Variants in LIMCH1 observed in about 807,000 individuals in gnomAD.
LIMCH1 encodes LIM and calponin homology domains 1.
Under a neutral mutation model 176.5 loss-of-function variants are expected in LIMCH1, and 113 were observed. The observed-to-expected ratio is 0.64, with a 90% confidence interval of 0.55 to 0.75. The LOEUF (loss-of-function observed/expected upper bound fraction) is 0.75, where lower values mean the gene tolerates loss of function less well. Ranked by LOEUF, LIMCH1 falls within the 30% of genes least tolerant of loss-of-function variation. The probability of loss-of-function intolerance (pLI) is 0.00; values close to 1 mark genes in which losing one functional copy is unlikely to be tolerated. For missense variants in LIMCH1, 1,674 were observed against 1,814.9 expected (o/e 0.92, Z 1.41); for synonymous variants, 619 against 645.9 (o/e 0.96, Z 0.63).
At chr4:41,490,845 C>T (rs981608537) in intron 1 of LIMCH1, among the ~76,000 whole-genome samples, 1 of 152,000 alleles carries the variant, frequency 6.6e-6, no homozygotes, top group Non-Finnish European at 1.5e-5. Context: ...CAGAGGCGCT[C>T]CTCACTTCCC....
chr4:41,432,546 C>T (rs962138674), intron 1 of LIMCH1, among the ~76,000 whole-genome samples: 4 of 152,174 alleles, frequency 2.6e-5, no homozygotes, highest in Non-Finnish European at 2.9e-5. Flanking sequence ...TCATCCCTGA[C>T]AACTTTCTCA....
intron 27 of LIMCH1, 79 bp from the exon 28 acceptor site, chr4:41,685,631 C>A: frequency 6.4e-7 from 1 of 1,553,506 alleles, no homozygotes; most frequent in Non-Finnish European, 8.8e-7. Flanking sequence ...CAGGCATTAG[C>A]ACTTTAAAGA....
At chr4:41,496,618 A>G (rs1189608844) in intron 2 of LIMCH1, among the ~76,000 whole-genome samples, 2 of 152,158 alleles carry the variant, frequency 1.3e-5, no homozygotes, top group Non-Finnish European at 2.9e-5. Flanking sequence ...GGGGAGGAAG[A>G]GTTTTCTTCC....
chr4:41,535,162 C>CAAAAAAAACAA (rs2077748773), upstream of LIMCH1, among the ~76,000 whole-genome samples: 1 of 83,984 alleles, frequency 1.2e-5, no homozygotes, highest in Non-Finnish European at 2.5e-5. Context: ...GACCCTGTCA[C>CAAAAAAAACAA]AAAAAAAAAA....
At chr4:41,670,112 A>G (rs921534154) in intron 21 of LIMCH1, among the ~76,000 whole-genome samples, 6 of 152,274 alleles carry the variant, frequency 3.9e-5, no homozygotes, top group South Asian at 2.1e-4. Context: ...AGCAGCAGAA[A>G]GATATCTCAA....
chr4:41,675,391 A>G (rs1010330475), intron 22 of LIMCH1, among the ~76,000 whole-genome samples: 1 of 152,120 alleles, frequency 6.6e-6, no homozygotes, highest in Non-Finnish European at 1.5e-5. Context: ...CTACCAGGGT[A>G]CATAGATTTT....
intron 1 of LIMCH1, chr4:41,361,047 T>C: frequency 4.7e-6 from 3 of 633,938 alleles, no homozygotes. Flanking sequence ...CCCCACTTTC[T>C]TTTGCCAGCT....
chr4:41,653,052 A>AG (rs1200288321), intron 18 of LIMCH1, among the ~76,000 whole-genome samples: 1 of 152,138 alleles, frequency 6.6e-6, no homozygotes, highest in Non-Finnish European at 1.5e-5. Context: ...CAACTATGGC[A>AG]GGGGGTATTG....
At chr4:41,359,761 T>G (rs777186040), upstream of LIMCH1, 1 of 152,148 alleles carries the variant, frequency 6.6e-6, no homozygotes, top group Non-Finnish European at 1.5e-5. Flanking sequence ...TTCAGCTCAC[T>G]GACCATCTGC....
intron 1 of LIMCH1, among the ~76,000 whole-genome samples, chr4:41,453,945 C>A (rs1161158166): frequency 6.6e-6 from 1 of 152,044 alleles, no homozygotes; most frequent in Non-Finnish European, 1.5e-5. Context: ...CCTCTTCTAC[C>A]CTTCTCTCCT....
chr4:41,558,520 C>T (rs2081608519), intron 1 of LIMCH1, among the ~76,000 whole-genome samples: 1 of 152,098 alleles, frequency 6.6e-6, no homozygotes, highest in African/African-American at 2.4e-5. Flanking sequence ...TCCCTCATTT[C>T]TATTTCCTCC....
Position 41,619,306 on chromosome 4 carries a change from C to T in LIMCH1, c.324C>T (p.Asn108=). 6.2e-7 allele frequency: 1 copy of T among 1,614,220 alleles called. No individual in the cohort carries two copies. The highest frequency in any genetic ancestry group is 8.5e-7 in the Non-Finnish European group (1 of 1,180,050). Residue 108 remains asparagine (N), a synonymous_variant, in exon 6 of 32, where the codon AAC becomes AAT. Transcript: ENST00000503057. ...AGCCGAAATCAGCAGTGCCTTTTAA[C>T]CAGTACCTCCCGAACAAAAGCAATC... ...HGEPKSAVPF[N]QYLPNKSNQT... is the part of the protein sequence containing the mutation.
chr4:41,419,661 CTTCCTTCCTTCCTTCCTTCCTCCTTCCT>C (rs2060380259), intron 1 of LIMCH1, among the ~76,000 whole-genome samples: 1 of 71,202 alleles, frequency 1.4e-5, no homozygotes, highest in African/African-American at 7.0e-5. Context: ...TCCTTCCTTC[CTTCCTTCCTTCCTTCCTTCCTCCTTCCT>C]TCCTTCCTTC....
chr4:41,631,528 C>A, intron 10 of LIMCH1, 51 bp downstream of exon 10: 1 of 1,402,798 alleles, frequency 7.1e-7, no homozygotes, highest in Non-Finnish European at 9.4e-7. Context: ...GTCACTGCTG[C>A]TTTTGTAGAG....
At chr4:41,499,692 C>T (rs1169095820) in intron 2 of LIMCH1, among the ~76,000 whole-genome samples, 1 of 152,180 alleles carries the variant, frequency 6.6e-6, no homozygotes, top group Non-Finnish European at 1.5e-5. Flanking sequence ...GTGGCGCATG[C>T]CTCTAGTCCC....
intron 15 of LIMCH1, among the ~76,000 whole-genome samples, chr4:41,645,560 A>T (rs1199842452): frequency 6.6e-6 from 1 of 152,168 alleles, no homozygotes; most frequent in Non-Finnish European, 1.5e-5. Context: ...CTGCAACCCC[A>T]ACCATCTGCC....
intron 2 of LIMCH1, 174 bp downstream of exon 2, chr4:41,599,200 A>G (rs749766741): frequency 9.4e-6 from 5 of 532,586 alleles, no homozygotes; most frequent in Non-Finnish European, 1.7e-5. Flanking sequence ...CTCTGTGCAT[A>G]GCTTTCATTC....
intron 1 of LIMCH1, among the ~76,000 whole-genome samples, chr4:41,390,003 C>T (rs930207885): frequency 5.9e-5 from 9 of 152,172 alleles, no homozygotes; most frequent in East Asian, 5.8e-4. Flanking sequence ...TCTCTGCATT[C>T]ACCTTAAGGA....
At chr4:41,401,797 G>A (rs1241786851) in intron 1 of LIMCH1, among the ~76,000 whole-genome samples, 2 of 152,186 alleles carry the variant, frequency 1.3e-5, no homozygotes, top group Admixed American at 6.5e-5. Flanking sequence ...TGTAGCAAGT[G>A]TGAATGGGAG....
Sources: allele counts gnomAD v4.1 joint callset (sites outside exome capture counted in the v4.1 genomes callset), GRCh38; gene constraint gnomAD v4.1.1; transcripts MANE v1.5; gene names NCBI Gene and HGNC (gene_info 2026-07-23, HGNC 2026-07-21).